Variants in RPS6KA2 observed in about 807,000 individuals in gnomAD.
The protein encoded by RPS6KA2 is ribosomal protein S6 kinase A2.
Under a neutral mutation model 91.8 loss-of-function variants are expected in RPS6KA2, and 42 were observed. That is an observed-to-expected ratio of 0.46 (90% CI 0.36 to 0.59). The LOEUF is 0.59. Among genes scored for constraint, RPS6KA2 ranks in the 20% least tolerant of loss-of-function variants. RPS6KA2 has a pLI of 0.00. For synonymous variants in RPS6KA2, 414 were observed against 393.6 expected (o/e 1.05, Z -0.61); for missense variants, 798 against 978.5 (o/e 0.82, Z 2.46).
rs925775733 is a variant in RPS6KA2, at chr6:166,563,137, G to A, written c.100-24353C>T. Among the ~76,000 whole-genome samples, 7 of 152,336 alleles carry A rather than the reference G, an allele frequency of 4.6e-5. No homozygotes were observed. Among genetic ancestry groups the A allele is most frequent in the Non-Finnish European group, 7.4e-5 (5 of 68,022 alleles). On this transcript the variant is annotated intron_variant, in intron 1 of 20. Transcript: ENST00000265678. This position sits in a 1 kb window ranked among gnomAD's most constrained non-coding sequence, Gnocchi z 4.1. ...GAGATCCAGCCTGCAATGACTGGAG[G>A]GTGGGAGTGGACGAAGTTTATTCTG...
chr6:166,683,837 G>C (rs1257128856), intron 2 of RPS6KA2, among the ~76,000 whole-genome samples: 6 of 152,234 alleles, frequency 3.9e-5, no homozygotes, highest in Non-Finnish European at 7.3e-5. Flanking sequence ...ACAGGAGAGA[G>C]CAGCTAGCGA....
chr6:166,796,953 C>T (rs1402320340), intron 2 of RPS6KA2, among the ~76,000 whole-genome samples: 3 of 152,218 alleles, frequency 2.0e-5, no homozygotes, highest in Non-Finnish European at 2.9e-5. Flanking sequence ...TCCCAGGTAC[C>T]GAACCTGAGA....
At chr6:166,701,413 T>C (rs1789515365) in intron 2 of RPS6KA2, 2 of 1,275,584 alleles carry the variant, frequency 1.6e-6, no homozygotes, top group East Asian at 4.6e-5. Flanking sequence ...CTTCTTTCAT[T>C]TTTCCATAAT....
At chr6:166,736,146 TGTTTC>T (rs565929700) in intron 2 of RPS6KA2, among the ~76,000 whole-genome samples, 47 of 152,374 alleles carry the variant, frequency 3.1e-4, no homozygotes, top group African/African-American at 1.1e-3. Flanking sequence ...TGATATTATC[TGTTTC>T]AACATCAGAA....
chr6:166,826,751 T>G (rs1013866100), intron 2 of RPS6KA2, among the ~76,000 whole-genome samples: 1 of 152,210 alleles, frequency 6.6e-6, no homozygotes, highest in Non-Finnish European at 1.5e-5. Context: ...AAGAGGGACA[T>G]ATATGAAATT....
intron 2 of RPS6KA2, among the ~76,000 whole-genome samples, chr6:166,693,461 C>T (rs958524687): frequency 2.6e-5 from 4 of 152,200 alleles, no homozygotes; most frequent in Admixed American, 2.0e-4. Flanking sequence ...GCGTCTCAGC[C>T]GTGCACTCAG....
intron 1 of RPS6KA2, among the ~76,000 whole-genome samples, chr6:166,584,759 G>A (rs112469295): frequency 0.017 from 2,653 of 152,328 alleles, 28 homozygotes; most frequent in Non-Finnish European, 0.027. Flanking sequence ...CAGTAAATAC[G>A]TTGAGGAGCT....
chr6:166,570,637 G>A (rs1304376570), intron 1 of RPS6KA2, among the ~76,000 whole-genome samples: 1 of 151,934 alleles, frequency 6.6e-6, no homozygotes, highest in Non-Finnish European at 1.5e-5. Flanking sequence ...AATAATACAG[G>A]GTTTAGATAC....
At chr6:166,589,444 C>T (rs554994151) in intron 1 of RPS6KA2, among the ~76,000 whole-genome samples, 14 of 152,354 alleles carry the variant, frequency 9.2e-5, no homozygotes, top group East Asian at 5.8e-4. Flanking sequence ...CTCAATTCAT[C>T]GGCCAAAGAC....
At chr6:166,453,025 C>T (rs1779965742) in intron 12 of RPS6KA2, among the ~76,000 whole-genome samples, 2 of 151,994 alleles carry the variant, frequency 1.3e-5, no homozygotes, top group South Asian at 4.1e-4. Flanking sequence ...TAGTGAAACC[C>T]TGTCTCTACT....
intron 2 of RPS6KA2, among the ~76,000 whole-genome samples, chr6:166,707,802 G>A (rs139494659): frequency 3.1e-3 from 470 of 151,700 alleles, no homozygotes; most frequent in African/African-American, 0.011. Flanking sequence ...ACAGTGGTGC[G>A]ATCTTGGCTC....
chr6:166,597,386 C>T (rs1174984498), intron 1 of RPS6KA2, among the ~76,000 whole-genome samples: 3 of 152,202 alleles, frequency 2.0e-5, no homozygotes, highest in African/African-American at 7.2e-5. Flanking sequence ...GTGAAGCCAA[C>T]ACCTGGCAGC....
chr6:166,542,055 C>CT (rs1783674780), intron 1 of RPS6KA2, among the ~76,000 whole-genome samples: 1 of 152,210 alleles, frequency 6.6e-6, no homozygotes, highest in South Asian at 2.1e-4. Flanking sequence ...GGATGCTTAA[C>CT]TTTCTTTTTC....
At chr6:166,526,079 C>T (rs1056633968) in intron 3 of RPS6KA2, among the ~76,000 whole-genome samples, 3 of 151,342 alleles carry the variant, frequency 2.0e-5, no homozygotes, top group African/African-American at 7.3e-5. Flanking sequence ...CTCCTCTCCA[C>T]ATAACTCCGC....
chr6:166,568,622 A>G (rs58184487), intron 1 of RPS6KA2, among the ~76,000 whole-genome samples: 183 of 12,560 alleles, frequency 0.015, no homozygotes, highest in African/African-American at 0.052. Context: ...TCCATCTCAG[A>G]AAAAAAAAAA....
rs867412985 is a variant in RPS6KA2 at position 166,626,934 on chromosome 6, A to G, written c.86T>C (p.Leu29Pro). 1 of 1,542,516 alleles carries G rather than the reference A, an allele frequency of 6.5e-7. No individual in the cohort carries two copies. Among genetic ancestry groups the G allele is most frequent in the Admixed American group, 1.9e-5 (1 of 53,934 alleles). The stretch of plus-strand genomic sequence containing the variant: ...CGGCCGCATTACCTCGAGCCGGCTC[A>G]GGCTGGAGCTCTTGGAGCGCGACTT... ...RRKSRSKSSS[L>P]SRLEEEGVVK... is the part of the protein sequence containing the mutation. Residue 29 changes from leucine to proline, a missense_variant, in exon 1 of 21, where the codon CTG (leucine) becomes CCG (proline). By Grantham distance (98) the Leu-to-Pro change is moderately conservative. Coordinates refer to ENST00000265678, the MANE Select transcript of RPS6KA2 (RefSeq NM_021135.6). This position sits in a 1 kb window ranked among gnomAD's most constrained non-coding sequence, Gnocchi z 4.1.
chr6:166,449,804 G>C (rs1246078206), intron 13 of RPS6KA2, among the ~76,000 whole-genome samples: 1 of 135,972 alleles, frequency 7.4e-6, no homozygotes, highest in Non-Finnish European at 1.6e-5. Context: ...GCCACCACGG[G>C]GACCACCATG....
chr6:166,702,092 A>T, intron 2 of RPS6KA2: 8 of 1,422,458 alleles, frequency 5.6e-6, no homozygotes, highest in Non-Finnish European at 7.0e-6. Context: ...AGTAGAGAGG[A>T]TAGTAATCGA....
chr6:166,860,953 C>T (rs1475064654), intron 1 of RPS6KA2, among the ~76,000 whole-genome samples: 1 of 152,196 alleles, frequency 6.6e-6, no homozygotes, highest in Non-Finnish European at 1.5e-5. Context: ...TGTCATCCTT[C>T]TCCCACCCCA....
Sources: allele counts gnomAD v4.1 joint callset (sites outside exome capture counted in the v4.1 genomes callset), GRCh38; gene constraint gnomAD v4.1.1; non-coding constraint Gnocchi (gnomAD v3.1); transcripts MANE v1.5; gene names NCBI Gene and HGNC (gene_info 2026-07-23, HGNC 2026-07-21).